Variants in FAM13B observed in about 807,000 individuals in gnomAD.
The protein encoded by FAM13B is protein FAM13B.
Under a neutral mutation model 117.3 loss-of-function variants are expected in FAM13B, and 60 were observed. The observed-to-expected ratio is 0.51, with a 90% CI of 0.42 to 0.63. The LOEUF is 0.63. FAM13B is among the 30% of genes least tolerant of loss of function. The probability of loss-of-function intolerance (pLI) is 0.00; values close to 1 mark genes in which losing one functional copy is unlikely to be tolerated. For missense variants in FAM13B, 972 were observed against 1,091.9 expected (o/e 0.89, Z 1.55); for synonymous variants, 332 against 356.1 (o/e 0.93, Z 0.76).
intron 16 of FAM13B, 45 bp from the exon 17 acceptor site, chr5:137,952,754 T>C (rs765792183): frequency 1.2e-5 from 13 of 1,128,352 alleles, no homozygotes; most frequent in East Asian, 9.5e-5. Flanking sequence ...TGATAAGCAA[T>C]AGTTACATTA....
At chr5:138,015,096 A>C (rs1461600084) in intron 4 of FAM13B, among the ~76,000 whole-genome samples, 1 of 152,244 alleles carries the variant, frequency 6.6e-6, no homozygotes, top group African/African-American at 2.4e-5. Context: ...TCAACATCTG[A>C]CAATGAACGG....
At chr5:138,039,842 C>T (rs1791426030) in intron 1 of FAM13B, 1 of 152,132 alleles carries the variant, frequency 6.6e-6, no homozygotes, top group African/African-American at 2.4e-5. Flanking sequence ...ACATTTACAC[C>T]TAACTACTCT....
intron 7 of FAM13B, among the ~76,000 whole-genome samples, chr5:138,004,103 T>C (rs533844575): frequency 6.6e-6 from 1 of 152,140 alleles, no homozygotes; most frequent in African/African-American, 2.4e-5. Flanking sequence ...ATCCCGTCTC[T>C]ACTAAAAATA....
At chr5:137,958,448 TA>T (rs1379732903) in intron 13 of FAM13B, among the ~76,000 whole-genome samples, 27 of 145,376 alleles carry the variant, frequency 1.9e-4, no homozygotes, top group South Asian at 2.2e-4. Flanking sequence ...GCCTAGACCT[TA>T]AAAAAAAAAA....
At chr5:138,013,670 G>C (rs1295675988) in intron 4 of FAM13B, among the ~76,000 whole-genome samples, 1 of 152,002 alleles carries the variant, frequency 6.6e-6, no homozygotes, top group Non-Finnish European at 1.5e-5. Flanking sequence ...AATAGTCCCT[G>C]GATTAATGTT....
chr5:137,969,216 A>G (rs1175153563), intron 10 of FAM13B, among the ~76,000 whole-genome samples: 1 of 152,232 alleles, frequency 6.6e-6, no homozygotes, highest in Non-Finnish European at 1.5e-5. Context: ...TCCCTGTCTG[A>G]CAGCATTGAA....
chr5:138,038,831 T>C (rs1791379090), intron 1 of FAM13B, among the ~76,000 whole-genome samples: 1 of 152,234 alleles, frequency 6.6e-6, no homozygotes, highest in Non-Finnish European at 1.5e-5. Context: ...CTTGGGCAGC[T>C]ATTATGGGTC....
chr5:137,938,420 G>C lies in FAM13B; in HGVS notation c.*1805C>G, dbSNP rs1436633311. 1 of 152,596 alleles carries C rather than the reference G, an allele frequency of 6.6e-6. No homozygotes were observed. 9.5% of individuals were successfully genotyped at this position (152,596 alleles called of 1,614,324 possible). A position where few individuals can be genotyped will look rare whatever the true frequency, so the allele number is the denominator to read the frequency against. On this transcript the variant is annotated 3_prime_UTR_variant, in exon 24 of 24. Transcript: ENST00000689681. ...AAGATACACAGTGCACATAAAATTA[G>C]ATGTTTGGATACACTCCTATCTGGA...
intron 15 of FAM13B, 74 bp from the exon 16 acceptor site, chr5:137,953,539 GCACTATTA>G: frequency 7.0e-7 from 1 of 1,427,388 alleles, no homozygotes; most frequent in Non-Finnish European, 9.7e-7. Context: ...CCCTGACATG[GCACTATTA>G]GCAATAAGTA....
chr5:137,950,521 G>A (rs891573410), intron 17 of FAM13B, among the ~76,000 whole-genome samples: 1 of 152,098 alleles, frequency 6.6e-6, no homozygotes, highest in Non-Finnish European at 1.5e-5. Flanking sequence ...GCTTGAAAAA[G>A]AAAGTAGTAA....
intron 7 of FAM13B, among the ~76,000 whole-genome samples, chr5:138,004,741 A>G (rs370461857): frequency 6.6e-6 from 1 of 152,160 alleles, no homozygotes; most frequent in Non-Finnish European, 1.5e-5. Flanking sequence ...CTAGCTGGGC[A>G]TGGTAGCGAG....
intron 1 of FAM13B, among the ~76,000 whole-genome samples, chr5:138,024,620 C>T (rs1014345110): frequency 2.7e-5 from 4 of 150,250 alleles, no homozygotes; most frequent in Non-Finnish European, 3.0e-5. Context: ...CAGCAGGCAC[C>T]GTACAAAAAT....
rs534968047 is a variant in FAM13B at position 137,945,713 on chromosome 5, T to A, written c.2340+189A>T. Among the ~76,000 whole-genome samples, 4 of 152,368 alleles carry A rather than the reference T, an allele frequency of 2.6e-5. No homozygotes were observed. The South Asian group carries it at 8.3e-4, about 32-fold the overall frequency. ...TGACATAAGCATACATAAAAATGCT[T>A]ACACAAGTGTCTGGGATATACTAGC... On this transcript the variant is annotated intron_variant, in intron 20 of 23. Coordinates refer to ENST00000689681, the MANE Select transcript of FAM13B (RefSeq NM_001385994.1).
intron 10 of FAM13B, among the ~76,000 whole-genome samples, chr5:137,968,902 G>A (rs924106120): frequency 5.9e-5 from 9 of 152,304 alleles, no homozygotes; most frequent in South Asian, 2.1e-4. Context: ...CTTTTCCGAC[G>A]GGCTTAAAAA....
chr5:138,018,152 C>G, intron 4 of FAM13B, 150 bp downstream of exon 4: 1 of 700,746 alleles, frequency 1.4e-6, no homozygotes, highest in South Asian at 1.9e-5. Flanking sequence ...TTTCCTATGA[C>G]AAGATCATAC....
At chr5:138,044,305 A>G (rs1231328705) in intron 1 of FAM13B, among the ~76,000 whole-genome samples, 1 of 152,152 alleles carries the variant, frequency 6.6e-6, no homozygotes, top group Non-Finnish European at 1.5e-5. Context: ...TATTCCCAGC[A>G]CTTTGGGAGG....
chr5:137,980,648 C>G (rs1414728960), intron 10 of FAM13B, among the ~76,000 whole-genome samples: 1 of 152,064 alleles, frequency 6.6e-6, no homozygotes, highest in African/African-American at 2.4e-5. Flanking sequence ...CCATGTTGCC[C>G]AGGCTGGCCT....
chr5:137,976,975 G>A (rs1027516821), intron 10 of FAM13B, among the ~76,000 whole-genome samples: 1 of 152,220 alleles, frequency 6.6e-6, no homozygotes, highest in African/African-American at 2.4e-5. Context: ...CGGTGAGCCA[G>A]GTGGAACAGT....
intron 10 of FAM13B, among the ~76,000 whole-genome samples, chr5:137,968,726 C>G (rs1416124555): frequency 1.3e-5 from 2 of 152,188 alleles, no homozygotes; most frequent in African/African-American, 4.8e-5. Flanking sequence ...GAGTGCCAGA[C>G]AGTGGGCGCA....
Sources: gnomAD v4.1 joint callset for allele counts (sites outside exome capture counted in the v4.1 genomes callset) on GRCh38, gnomAD v4.1.1 for gene constraint, MANE v1.5 for transcripts, NCBI Gene and HGNC (gene_info 2026-07-23, HGNC 2026-07-21) for gene names.